Variants in TRHDE observed in about 807,000 individuals in gnomAD.
TRHDE encodes the protein thyrotropin-releasing hormone-degrading ectoenzyme.
TRHDE carries 72 observed loss-of-function variants against 125.7 expected under a neutral mutation model. The ratio of observed to expected loss-of-function variants is 0.57; its 90% CI spans 0.47 to 0.70. TRHDE has a LOEUF of 0.70. Ranked by LOEUF, TRHDE falls within the 30% of genes least tolerant of loss-of-function variation. The probability of loss-of-function intolerance (pLI) is 0.00; values close to 1 mark genes in which losing one functional copy is unlikely to be tolerated. For missense variants in TRHDE, 1,110 were observed against 1,327.1 expected, an observed-to-expected ratio of 0.84 and a Z score of 2.54; for synonymous variants, 509 against 509.1, an observed-to-expected ratio of 1.00 and a Z score of 0.00.
chr12:72,489,339 A>G (rs545226698), intron 5 of TRHDE, among the ~76,000 whole-genome samples: 1 of 151,920 alleles, frequency 6.6e-6, no homozygotes, highest in South Asian at 2.1e-4. Context: ...CTCAGAAATA[A>G]AAAAGAATAC....
intron 5 of TRHDE, among the ~76,000 whole-genome samples, chr12:72,496,401 C>T (rs576412251): frequency 5.3e-5 from 8 of 152,200 alleles, no homozygotes; most frequent in Admixed American, 1.3e-4. Context: ...TGGCGGAAGG[C>T]GAATGAGGAG....
chr12:72,179,162 A>G (rs1000341938), intron 2 of TRHDE, among the ~76,000 whole-genome samples: 18 of 152,268 alleles, frequency 1.2e-4, no homozygotes, highest in African/African-American at 4.3e-4. Flanking sequence ...GTTCATGACA[A>G]CACTTGGAGT....
intron 2 of TRHDE, among the ~76,000 whole-genome samples, chr12:72,265,436 C>G (rs1347024536): frequency 3.3e-5 from 5 of 151,466 alleles, no homozygotes; most frequent in Non-Finnish European, 5.9e-5. Context: ...GGTGTGTAAC[C>G]CTGAAATTAA....
At chr12:72,138,051 A>G (rs1876024293) in intron 2 of TRHDE, among the ~76,000 whole-genome samples, 1 of 152,210 alleles carries the variant, frequency 6.6e-6, no homozygotes, top group African/African-American at 2.4e-5. Flanking sequence ...AAATCAGAAT[A>G]TCTCAGAATG....
chr12:72,339,929 T>A (rs1453912153), intron 2 of TRHDE, among the ~76,000 whole-genome samples: 1 of 152,296 alleles, frequency 6.6e-6, no homozygotes, highest in South Asian at 2.1e-4. Context: ...GACTGTCTGA[T>A]GTAAAGATAG....
At chr12:72,164,240 T>C (rs2139330525) in intron 2 of TRHDE, among the ~76,000 whole-genome samples, 1 of 152,330 alleles carries the variant, frequency 6.6e-6, no homozygotes, top group East Asian at 1.9e-4. Context: ...GCCATTCAAA[T>C]GGTATCACAA....
chr12:72,540,640 G>A (rs111750460), intron 6 of TRHDE, among the ~76,000 whole-genome samples: 1 of 151,558 alleles, frequency 6.6e-6, no homozygotes, highest in Non-Finnish European at 1.5e-5. Context: ...CTCGGGATGG[G>A]TCGATTATAC....
At chr12:72,575,816 A>G (rs1239739243) in intron 12 of TRHDE, among the ~76,000 whole-genome samples, 7 of 152,152 alleles carry the variant, frequency 4.6e-5, no homozygotes, top group Admixed American at 2.6e-4. Context: ...AAATTCATTA[A>G]TGAACTCTAT....
At chr12:72,543,100 C>T (rs561083199) in intron 7 of TRHDE, among the ~76,000 whole-genome samples, 1 of 151,384 alleles carries the variant, frequency 6.6e-6, no homozygotes, top group African/African-American at 2.4e-5. Flanking sequence ...TTGATGTTCA[C>T]CTGAAACACA....
intron 2 of TRHDE, among the ~76,000 whole-genome samples, chr12:72,166,745 G>A (rs1185369612): frequency 1.3e-5 from 2 of 152,124 alleles, no homozygotes; most frequent in African/African-American, 4.8e-5. Flanking sequence ...CTCAAGACAT[G>A]GGGCATGAGC....
At chr12:72,201,952 G>A (rs769396663) in intron 2 of TRHDE, among the ~76,000 whole-genome samples, 3 of 152,154 alleles carry the variant, frequency 2.0e-5, no homozygotes, top group African/African-American at 2.4e-5. Flanking sequence ...AGTTCATAAA[G>A]TTTCCATTTT....
At chr12:72,624,818 A>G (rs1873192999) in intron 15 of TRHDE, among the ~76,000 whole-genome samples, 1 of 151,934 alleles carries the variant, frequency 6.6e-6, no homozygotes, top group Non-Finnish European at 1.5e-5. Flanking sequence ...AAAAAAGCAC[A>G]TTTCAAAAAG....
intron 2 of TRHDE, among the ~76,000 whole-genome samples, chr12:72,180,222 A>G (rs1318623754): frequency 6.6e-6 from 1 of 152,088 alleles, no homozygotes; most frequent in Admixed American, 6.6e-5. Context: ...TATATTTTAA[A>G]GCAGTTTACA....
intron 3 of TRHDE, among the ~76,000 whole-genome samples, chr12:72,401,898 A>G (rs1443086655): frequency 6.6e-6 from 1 of 152,154 alleles, no homozygotes; most frequent in East Asian, 1.9e-4. Flanking sequence ...TGAACACTTT[A>G]AAATGTTTTT....
At chr12:72,586,570 T>C (rs1871448008) in intron 12 of TRHDE, among the ~76,000 whole-genome samples, 1 of 152,108 alleles carries the variant, frequency 6.6e-6, no homozygotes, top group Non-Finnish European at 1.5e-5. Context: ...ACACAGAAGC[T>C]AAGAAGTAGT....
At chr12:72,432,035 T>G (rs554652825) in intron 3 of TRHDE, 4 of 158,622 alleles carry the variant, frequency 2.5e-5, no homozygotes, top group African/African-American at 9.6e-5. Context: ...TTCTTTACCA[T>G]CGTTGATTTG....
intron 3 of TRHDE, among the ~76,000 whole-genome samples, chr12:72,420,988 A>C (rs1341186344): frequency 6.9e-6 from 1 of 144,812 alleles, no homozygotes; most frequent in African/African-American, 2.6e-5. Context: ...TTTTTTTTTG[A>C]GATGGAGTCT....
chr12:72,123,785 T>C (rs748176686), intron 2 of TRHDE, among the ~76,000 whole-genome samples: 4 of 152,120 alleles, frequency 2.6e-5, no homozygotes, highest in Admixed American at 6.6e-5. Flanking sequence ...ATCAAGATAT[T>C]GAACATTTCC....
At chr12:72,428,513 T>C (rs2135837295) in intron 3 of TRHDE, among the ~76,000 whole-genome samples, 1 of 152,284 alleles carries the variant, frequency 6.6e-6, no homozygotes, top group East Asian at 1.9e-4. Context: ...GATTAATTTT[T>C]TTAATATAAC....
Sources: allele counts gnomAD v4.1 joint callset (sites outside exome capture counted in the v4.1 genomes callset), GRCh38; gene constraint gnomAD v4.1.1; transcripts MANE v1.5; gene names NCBI Gene and HGNC (gene_info 2026-07-23, HGNC 2026-07-21).